ZNF407: variants seen among roughly 807,000 people sequenced by gnomAD.
ZNF407 encodes zinc finger protein 407.
A neutral mutation model predicts 131.2 loss-of-function variants in ZNF407; 17 were observed. That is an observed-to-expected ratio of 0.13 (90% CI 0.09 to 0.19). The LOEUF is 0.19. Among genes scored for constraint, ZNF407 ranks in the 10% least tolerant of loss-of-function variants. ZNF407 has a pLI of 1.00. For missense variants in ZNF407, 2,681 were observed against 2,830.6 expected (o/e 0.95, Z 1.20); for synonymous variants, 1,156 against 1,062.0 (o/e 1.09, Z -1.72).
At chr18:74,831,455 GCTTT>G (rs1373037787) in intron 4 of ZNF407, among the ~76,000 whole-genome samples, 1 of 151,978 alleles carries the variant, frequency 6.6e-6, no homozygotes, top group Non-Finnish European at 1.5e-5. Flanking sequence ...CTACCATTCT[GCTTT>G]CTGTGTCTAT....
chr18:74,717,710 C>T (rs748936154), intron 3 of ZNF407, among the ~76,000 whole-genome samples: 1 of 152,154 alleles, frequency 6.6e-6, no homozygotes, highest in African/African-American at 2.4e-5. Flanking sequence ...TTGAATGTCC[C>T]TTCTACAAAA....
intron 8 of ZNF407, among the ~76,000 whole-genome samples, chr18:74,963,275 T>C (rs1972370171): frequency 6.6e-6 from 1 of 152,100 alleles, no homozygotes; most frequent in Non-Finnish European, 1.5e-5. Flanking sequence ...ATTTGTAATA[T>C]GAGTAACAGT....
chr18:74,795,828 C>T (rs1252773996), intron 4 of ZNF407, among the ~76,000 whole-genome samples: 2 of 152,154 alleles, frequency 1.3e-5, no homozygotes, highest in African/African-American at 2.4e-5. Context: ...ATGCTTTGAC[C>T]CTGGTATCAT....
rs1358403064 is a variant in ZNF407 at position 74,635,066 on chromosome 18, C to T, written c.4047C>T (p.Ala1349=). 1 of 1,613,884 alleles carries T rather than the reference C, an allele frequency of 6.2e-7. No homozygotes were observed. The highest frequency in any genetic ancestry group is 8.5e-7 in the Non-Finnish European group (1 of 1,179,880). The part of the protein sequence containing the change: ...TIISIDDKGQ[A]MYSFGRFDSS... ...TTAGTATTGATGATAAAGGGCAGGC[C>T]ATGTACAGTTTTGGTCGATTTGACT... The change falls in exon 2 of 9, where the codon GCC becomes GCT. Residue 1349 remains alanine, a synonymous_variant. Coordinates refer to ENST00000299687, the MANE Select transcript of ZNF407 (RefSeq NM_017757.3). This position sits in a 1 kb window ranked among gnomAD's most constrained non-coding sequence, Gnocchi z 4.7.
rs565713792 is a variant in ZNF407 at position 74,783,050 on chromosome 18, A to T, written c.4877+1548A>T. On this transcript the variant is annotated intron_variant, in intron 4 of 8. Transcript: ENST00000299687. ...GAATAATTTGCGACATGTCAAAGTT[A>T]TGTTTCATAAGTGTTGTTTAAGTAT... Among the ~76,000 whole-genome samples the T allele has an allele frequency of 3.3e-5, 5 of 152,334 alleles. No homozygotes were observed. In the East Asian group the frequency reaches 7.7e-4, roughly 23 times the overall value.
chr18:74,912,395 G>A (rs1172772026), intron 7 of ZNF407, among the ~76,000 whole-genome samples: 1 of 152,078 alleles, frequency 6.6e-6, no homozygotes, highest in Non-Finnish European at 1.5e-5. Flanking sequence ...GAATGATGAG[G>A]TCTACCAGGC....
intron 8 of ZNF407, among the ~76,000 whole-genome samples, chr18:75,030,574 TTGAC>T (rs1424652383): frequency 6.6e-6 from 1 of 152,214 alleles, no homozygotes; most frequent in Non-Finnish European, 1.5e-5. Context: ...AAACTTACCT[TTGAC>T]TGTGTGCTGT....
At chr18:74,667,419 T>C (rs1985974238) in intron 3 of ZNF407, among the ~76,000 whole-genome samples, 2 of 152,184 alleles carry the variant, frequency 1.3e-5, no homozygotes, top group South Asian at 4.1e-4. Flanking sequence ...ACAGGTACAG[T>C]CCCAGGTACA....
chr18:74,934,953 T>C (rs974828464), intron 8 of ZNF407, among the ~76,000 whole-genome samples: 16 of 152,250 alleles, frequency 1.1e-4, no homozygotes, highest in African/African-American at 3.9e-4. Flanking sequence ...CTGAAATTAC[T>C]CTATGTCATT....
chr18:74,723,153 G>A (rs1457477941), intron 3 of ZNF407, among the ~76,000 whole-genome samples: 1 of 151,988 alleles, frequency 6.6e-6, no homozygotes, highest in East Asian at 1.9e-4. Context: ...ATTCTCATTG[G>A]ACTTTTACAA....
intron 8 of ZNF407, among the ~76,000 whole-genome samples, chr18:75,002,629 C>T (rs537710339): frequency 2.0e-5 from 3 of 152,102 alleles, no homozygotes; most frequent in East Asian, 1.9e-4. Flanking sequence ...GGTGAAACCC[C>T]GTCTCTACTA....
intron 4 of ZNF407, among the ~76,000 whole-genome samples, chr18:74,840,154 A>G (rs1405658284): frequency 1.3e-5 from 2 of 152,152 alleles, no homozygotes; most frequent in Non-Finnish European, 2.9e-5. Context: ...GGGAAACCAC[A>G]CTTTCTTGGT....
At position 74,822,218 on chromosome 18, in the gene ZNF407, G is replaced by A. The variant is rs149441395; in HGVS notation, c.4877+40716G>A. Among the ~76,000 whole-genome samples the A allele has an allele frequency of 8.1e-3, 1,238 of 152,164 alleles. 12 individuals are homozygous for A. Among genetic ancestry groups the A allele is most frequent in the African/African-American group, 0.027 (1,106 of 41,508 alleles). On this transcript the variant is annotated intron_variant, in intron 4 of 8. Transcript: ENST00000299687. The stretch of plus-strand genomic sequence containing the variant: ...ATTTTTCTCCCATTCTGTAGGTTGC[G>A]TGTTCACAATGATGGTAATTTCTTT...
chr18:74,796,907 A>C (rs147863471), intron 4 of ZNF407, among the ~76,000 whole-genome samples: 1 of 152,320 alleles, frequency 6.6e-6, no homozygotes, highest in African/African-American at 2.4e-5. Flanking sequence ...TAAGTGGAAC[A>C]AATTCAGCAA....
chr18:74,999,189 G>T (rs2122154335), intron 8 of ZNF407, among the ~76,000 whole-genome samples: 1 of 80,588 alleles, frequency 1.2e-5, no homozygotes, highest in South Asian at 5.5e-4. Flanking sequence ...CACACTCTGG[G>T]GACTGTGGTG....
At chr18:74,760,193 A>G (rs1359968613) in intron 3 of ZNF407, among the ~76,000 whole-genome samples, 3 of 152,158 alleles carry the variant, frequency 2.0e-5, no homozygotes, top group Non-Finnish European at 2.9e-5. Context: ...TGGAAGACAC[A>G]TATTTCTTCA....
intron 3 of ZNF407, among the ~76,000 whole-genome samples, chr18:74,641,441 T>A (rs1984712141): frequency 6.6e-6 from 1 of 152,158 alleles, no homozygotes; most frequent in Admixed American, 6.6e-5. Context: ...CAAAAATACA[T>A]AATATAGCTT....
chr18:74,953,845 G>A (rs1307179842), intron 8 of ZNF407, among the ~76,000 whole-genome samples: 1 of 152,196 alleles, frequency 6.6e-6, no homozygotes, highest in African/African-American at 2.4e-5. Context: ...CACCACACCA[G>A]CAGGAATCTG....
chr18:74,766,441 G>T (rs1205296219), intron 3 of ZNF407, among the ~76,000 whole-genome samples: 1 of 152,176 alleles, frequency 6.6e-6, no homozygotes, highest in Non-Finnish European at 1.5e-5. Flanking sequence ...TTGTTGTCTT[G>T]TGATGATGAG....
Sources: gnomAD v4.1 joint callset for allele counts (sites outside exome capture counted in the v4.1 genomes callset) on GRCh38, gnomAD v4.1.1 for gene constraint, Gnocchi (gnomAD v3.1) non-coding constraint, MANE v1.5 for transcripts, NCBI Gene and HGNC (gene_info 2026-07-23, HGNC 2026-07-21) for gene names.